Variants in KPNB1 observed in about 807,000 individuals in gnomAD.
The protein encoded by KPNB1 is importin subunit beta-1.
KPNB1 carries 7 observed loss-of-function variants against 113.0 expected under a neutral mutation model. The ratio of observed to expected loss-of-function variants is 0.06; its 90% CI spans 0.04 to 0.12. KPNB1 has a LOEUF of 0.12. Among genes scored for constraint, KPNB1 ranks in the 10% least tolerant of loss-of-function variants. The probability of loss-of-function intolerance (pLI) is 1.00; values close to 1 mark genes in which losing one functional copy is unlikely to be tolerated. For missense variants in KPNB1, 400 were observed against 1,054.8 expected, an observed-to-expected ratio of 0.38 and a Z score of 8.60; for synonymous variants, 363 against 378.6, an observed-to-expected ratio of 0.96 and a Z score of 0.48.
intron 2 of KPNB1, chr17:47,651,319 C>T (rs2056531438): frequency 2.2e-5 from 22 of 985,332 alleles, no homozygotes; most frequent in Non-Finnish European, 2.7e-5. Flanking sequence ...TGTCCATCTC[C>T]TGTTGGGGGA....
intron 8 of KPNB1, 80 bp downstream of exon 8, chr17:47,664,349 C>T: frequency 4.2e-6 from 4 of 950,952 alleles, no homozygotes; most frequent in African/African-American, 3.2e-5. Context: ...TCTAGGAGAA[C>T]TTTATTCTGT....
At position 47,676,393 on chromosome 17, in the gene KPNB1, G is replaced by A. The variant is rs1319220035; in HGVS notation, c.1913-16G>A. The A allele has an allele frequency of 6.3e-7, 1 of 1,594,586 alleles. No individual in the cohort carries two copies. The highest frequency in any genetic ancestry group is 8.6e-7 in the Non-Finnish European group (1 of 1,162,254). On this transcript the variant is annotated splice_polypyrimidine_tract_variant and intron_variant, in intron 15 of 21. Coordinates refer to ENST00000290158, the MANE Select transcript of KPNB1 (RefSeq NM_002265.6). Reference sequence around the variant, plus strand: ...CCCGTGGTGCTGTCATTGGCTAATAGCTTATTTCATTACAGTGTTGGGTGG... The same window carrying A: ...CCCGTGGTGCTGTCATTGGCTAATAACTTATTTCATTACAGTGTTGGGTGG...
In KPNB1 at chr17:47,668,218, C is replaced by T. The variant is rs1482748474; in HGVS notation, c.1032C>T (p.Pro344=). 3 of 1,614,198 alleles carry T rather than the reference C, an allele frequency of 1.9e-6. No homozygotes were observed. Among genetic ancestry groups the T allele is most frequent in the Non-Finnish European group, 2.5e-6 (3 of 1,180,018 alleles). The part of the protein sequence containing the change: ...DENDDDDDWN[P]CKAAGVCLML... ...ATGATGATGACGATGACTGGAACCC[C>T]TGCAAAGCAGCAGGGGTGTGCCTCA... Residue 344 remains proline, a synonymous_variant, in exon 10 of 22, where the codon CCC becomes CCT. Coordinates refer to ENST00000290158, the MANE Select transcript of KPNB1 (RefSeq NM_002265.6).
chr17:47,678,367 T>C lies in KPNB1; in HGVS notation c.2307T>C (p.Tyr769=). 1 of 1,614,164 alleles carries C rather than the reference T, an allele frequency of 6.2e-7. No homozygotes were observed. Among genetic ancestry groups the C allele is most frequent in the Non-Finnish European group, 8.5e-7 (1 of 1,179,994 alleles). Residue 769 remains tyrosine, a synonymous_variant, in exon 19 of 22, where the codon TAT becomes TAC. Coordinates refer to ENST00000290158, the MANE Select transcript of KPNB1 (RefSeq NM_002265.6). The part of the protein sequence containing the change: ...NELRESCLEA[Y]TGIVQGLKGD... Reference sequence around the variant, plus strand: ...TAAGGGAAAGCTGCTTGGAAGCCTATACTGGAATCGTCCAGGGATTAAAGG... The same window carrying C: ...TAAGGGAAAGCTGCTTGGAAGCCTACACTGGAATCGTCCAGGGATTAAAGG...
rs2030351296 is a variant in KPNB1 at position 47,668,279 on chromosome 17, C to T, written c.1093C>T (p.Pro365Ser). 1 of 1,613,894 alleles carries T rather than the reference C, an allele frequency of 6.2e-7. No individual in the cohort carries two copies. Among genetic ancestry groups the T allele is most frequent in the Non-Finnish European group, 8.5e-7 (1 of 1,179,980 alleles). ...CACCTGCTGTGAAGATGACATTGTC[C>T]CACATGTCCTCCCCTTCATTAAAGA... ...LATCCEDDIV[P>S]HVLPFIKEHI... is the part of the protein sequence containing the mutation. The change falls in exon 10 of 22, where the codon CCA becomes TCA. Residue 365 changes from proline (P) to serine (S), a missense_variant. By Grantham distance (74) the Pro-to-Ser change is moderately conservative. Coordinates refer to ENST00000290158, the MANE Select transcript of KPNB1 (RefSeq NM_002265.6).
chr17:47,673,954 C>T (rs1597936767), intron 14 of KPNB1: 1 of 165,848 alleles, frequency 6.0e-6, no homozygotes, highest in African/African-American at 2.4e-5. Context: ...TTTGTGTTGG[C>T]AGCTTGAATG....
chr17:47,658,427 A>T, intron 4 of KPNB1, 81 bp from the exon 5 acceptor site: 2 of 1,432,046 alleles, frequency 1.4e-6, no homozygotes, highest in Non-Finnish European at 1.9e-6. Flanking sequence ...TTCAATCCAT[A>T]GTTGTTTGAA....
intron 10 of KPNB1, among the ~76,000 whole-genome samples, chr17:47,669,449 C>T (rs1419043047): frequency 6.6e-6 from 1 of 152,116 alleles, no homozygotes; most frequent in Non-Finnish European, 1.5e-5. Flanking sequence ...TTATTGCAGA[C>T]TACTAAAAGC....
intron 19 of KPNB1, chr17:47,678,616 T>C (rs2143176630): frequency 5.5e-6 from 3 of 549,234 alleles, no homozygotes; most frequent in East Asian, 3.1e-5. Context: ...TTCTTTCTTT[T>C]TTTTGTTTTG....
Position 47,649,939 on chromosome 17 carries a change from T to G in KPNB1, c.-306T>G, listed in dbSNP as rs1915475395. The stretch of plus-strand genomic sequence containing the variant: ...TCGCTCCCTCCCTGCGCGCCGCCTC[T>G]CACTCACAGCCTCCCTTCCTTCTTT... On this transcript the variant is annotated 5_prime_UTR_variant, in exon 1 of 22. Coordinates refer to ENST00000290158, the MANE Select transcript of KPNB1 (RefSeq NM_002265.6). The G allele has an allele frequency of 7.8e-7, 1 of 1,286,076 alleles. No homozygotes were observed. Among genetic ancestry groups the G allele is most frequent in the African/African-American group, 1.6e-5 (1 of 64,462 alleles). The allele number at this position is 1,286,076 out of a possible 1,614,324, so 79.7% of individuals were successfully genotyped here. A position where few individuals can be genotyped will look rare whatever the true frequency, so the allele number is the denominator to read the frequency against.
At chr17:47,669,595 C>T (rs2030391332) in intron 10 of KPNB1, 83 bp from the exon 11 acceptor site, 1 of 992,684 alleles carries the variant, frequency 1.0e-6, no homozygotes, top group South Asian at 1.7e-5. Context: ...TTAAGCCATC[C>T]ATCAGTATTT....
chr17:47,680,177 C>T, intron 20 of KPNB1, 43 bp downstream of exon 20: 1 of 1,324,406 alleles, frequency 7.6e-7, no homozygotes, highest in South Asian at 1.2e-5. Context: ...GAACTTCTCA[C>T]AGAAAATGAG....
At chr17:47,650,766 C>T (rs1915536522) in intron 2 of KPNB1, among the ~76,000 whole-genome samples, 1 of 152,084 alleles carries the variant, frequency 6.6e-6, no homozygotes, top group Admixed American at 6.5e-5. Context: ...CGCGGCGCTG[C>T]GTGTTCAGCA....
At chr17:47,675,385 G>GTTTTTTTTTTTTTTTTTTTTTTTT (rs1462077639) in intron 15 of KPNB1, among the ~76,000 whole-genome samples, 1 of 82,110 alleles carries the variant, frequency 1.2e-5, no homozygotes, top group Non-Finnish European at 2.3e-5. Context: ...TTTTTTTTTT[G>GTTTTTTTTTTTTTTTTTTTTTTTT]TTTGTTTTTT....
intron 11 of KPNB1, 113 bp from the exon 12 acceptor site, chr17:47,670,589 G>A (rs2030415970): frequency 9.3e-7 from 1 of 1,073,104 alleles, no homozygotes; most frequent in Non-Finnish European, 1.3e-6. Context: ...GATGACCTTG[G>A]CAGAAAAAGT....
intron 2 of KPNB1, among the ~76,000 whole-genome samples, chr17:47,650,981 T>TTTCCAC (rs1915548022): frequency 6.6e-6 from 1 of 152,164 alleles, no homozygotes; most frequent in Non-Finnish European, 1.5e-5. Flanking sequence ...TCTTAACCCA[T>TTTCCAC]TTCCACTGAT....
intron 16 of KPNB1, among the ~76,000 whole-genome samples, chr17:47,676,815 T>TTC (rs1471828636): frequency 1.3e-5 from 2 of 151,492 alleles, no homozygotes; most frequent in African/African-American, 4.9e-5. Context: ...GGCTTTTTTT[T>TTC]TTTTTTTTTT....
rs929313986 is a variant in KPNB1 at position 47,658,769 on chromosome 17, A to T, written c.636+109A>T. ...GTTTATGGTTTAGAAAGTACCACCT[A>T]CTTAAAAGTATTTGTTTCCAGTTTA... On this transcript the variant is annotated intron_variant, in intron 5 of 21. Coordinates refer to ENST00000290158, the MANE Select transcript of KPNB1 (RefSeq NM_002265.6). 4 of 877,904 alleles carry T rather than the reference A, an allele frequency of 4.6e-6. No homozygotes were observed. The African/African-American group carries it at 6.8e-5, about 15-fold the overall frequency. 54.4% of individuals were successfully genotyped at this position (877,904 alleles called of 1,614,324 possible).
At chr17:47,675,305 C>G (rs1228027219) in intron 15 of KPNB1, among the ~76,000 whole-genome samples, 1 of 150,806 alleles carries the variant, frequency 6.6e-6, no homozygotes, top group Admixed American at 6.6e-5. Flanking sequence ...GTATAACTGC[C>G]TTGTCAGTCC....
Sources: gnomAD v4.1 joint callset for allele counts (sites outside exome capture counted in the v4.1 genomes callset) on GRCh38, gnomAD v4.1.1 for gene constraint, MANE v1.5 for transcripts, NCBI Gene and HGNC (gene_info 2026-07-23, HGNC 2026-07-21) for gene names.